Variants in GPM6A observed in about 807,000 individuals in gnomAD.
GPM6A encodes neuronal membrane glycoprotein M6-a.
In GPM6A, 7 loss-of-function variants were observed where a neutral mutation model predicts 32.1. The ratio of observed to expected loss-of-function variants is 0.22; its 90% confidence interval spans 0.12 to 0.41. The LOEUF (loss-of-function observed/expected upper bound fraction) is 0.41. GPM6A is among the 10% of genes least tolerant of loss of function. The pLI, the probability that GPM6A is intolerant of heterozygous loss-of-function variation, is 1.00. For synonymous variants in GPM6A, 130 were observed against 123.4 expected (o/e 1.05, Z -0.35); for missense variants, 235 against 347.2 (o/e 0.68, Z 2.57).
chr4:175,650,278 ATTTATTTAT>A (rs1004384504), intron 4 of GPM6A, among the ~76,000 whole-genome samples: 21 of 8,162 alleles, frequency 2.6e-3, no homozygotes, highest in Non-Finnish European at 0.015. Flanking sequence ...TATTTTATTT[ATTTATTTAT>A]TTATTTATTT....
intron 1 of GPM6A, among the ~76,000 whole-genome samples, chr4:175,707,971 T>C (rs1199967505): frequency 6.6e-6 from 1 of 152,262 alleles, no homozygotes; most frequent in Non-Finnish European, 1.5e-5. Context: ...ATGGTGTCAC[T>C]GGGTTTTTAA....
intron 1 of GPM6A, among the ~76,000 whole-genome samples, chr4:175,908,940 A>G (rs1025293602): frequency 1.4e-5 from 2 of 147,996 alleles, no homozygotes; most frequent in Non-Finnish European, 3.0e-5. Flanking sequence ...CCGTAAAAGC[A>G]CACAATGATT....
intron 1 of GPM6A, among the ~76,000 whole-genome samples, chr4:175,898,571 T>C (rs1737862865): frequency 6.6e-6 from 1 of 152,168 alleles, no homozygotes; most frequent in Non-Finnish European, 1.5e-5. Flanking sequence ...ATTGTAATGC[T>C]TGCACTGTGA....
chr4:175,867,169 T>C (rs1736765587), intron 1 of GPM6A, among the ~76,000 whole-genome samples: 1 of 152,202 alleles, frequency 6.6e-6, no homozygotes, highest in South Asian at 2.1e-4. Flanking sequence ...ATTGGATATA[T>C]CATTTGCAAA....
At chr4:175,865,511 A>G (rs1736706611) in intron 1 of GPM6A, among the ~76,000 whole-genome samples, 1 of 152,232 alleles carries the variant, frequency 6.6e-6, no homozygotes, top group African/African-American at 2.4e-5. Flanking sequence ...CTATAGATCA[A>G]TTTGAAGAGA....
intron 1 of GPM6A, among the ~76,000 whole-genome samples, chr4:175,867,720 A>T (rs1461970000): frequency 6.6e-6 from 1 of 152,140 alleles, no homozygotes; most frequent in East Asian, 1.9e-4. Flanking sequence ...GTCAGGGGTC[A>T]GTCCTGCAGT....
At chr4:175,751,284 A>G (rs1363516263) in intron 1 of GPM6A, among the ~76,000 whole-genome samples, 1 of 152,182 alleles carries the variant, frequency 6.6e-6, no homozygotes, top group Non-Finnish European at 1.5e-5. Flanking sequence ...ATTGCATAAA[A>G]TAATTACATT....
chr4:175,638,105 CCTAACTT>C (rs1740920930), intron 6 of GPM6A, among the ~76,000 whole-genome samples: 1 of 149,796 alleles, frequency 6.7e-6, no homozygotes, highest in Admixed American at 6.8e-5. Flanking sequence ...TGTAGGACTT[CCTAACTT>C]CTCTACAAAT....
At chr4:175,905,443 A>G (rs906507251) in intron 1 of GPM6A, among the ~76,000 whole-genome samples, 4 of 152,176 alleles carry the variant, frequency 2.6e-5, no homozygotes, top group Admixed American at 2.0e-4. Context: ...GTGGCCCAAG[A>G]CAATTCTTCT....
At chr4:175,643,515 G>C (rs377308302) in intron 4 of GPM6A, among the ~76,000 whole-genome samples, 64 of 152,098 alleles carry the variant, frequency 4.2e-4, no homozygotes, top group African/African-American at 1.4e-3. Context: ...TATTCCCAGA[G>C]CTGAGCTACT....
At chr4:175,744,215 A>C (rs1161037963) in intron 1 of GPM6A, among the ~76,000 whole-genome samples, 1 of 152,072 alleles carries the variant, frequency 6.6e-6, no homozygotes, top group African/African-American at 2.4e-5. Context: ...AGGAGGGGGA[A>C]TATCCAAATA....
chr4:175,733,750 A>G (rs1434680452), intron 1 of GPM6A, among the ~76,000 whole-genome samples: 1 of 152,222 alleles, frequency 6.6e-6, no homozygotes, highest in Non-Finnish European at 1.5e-5. Flanking sequence ...AGATAGAGGA[A>G]AACAATCCTG....
At chr4:175,814,347 C>A (rs758958234), upstream of GPM6A, among the ~76,000 whole-genome samples, 16 of 152,246 alleles carry the variant, frequency 1.1e-4, no homozygotes, top group Non-Finnish European at 2.1e-4. Flanking sequence ...GCTAATAAAT[C>A]ACCAAGTAAG....
At chr4:175,727,990 C>T (rs1021662859) in intron 1 of GPM6A, among the ~76,000 whole-genome samples, 49 of 126,604 alleles carry the variant, frequency 3.9e-4, no homozygotes, top group African/African-American at 7.4e-4. Context: ...GGTGACAGAG[C>T]GAGACTCCGT....
intron 6 of GPM6A, among the ~76,000 whole-genome samples, chr4:175,637,358 A>T (rs35922908): frequency 0.28 from 18,133 of 65,680 alleles, 3,667 homozygotes; most frequent in East Asian, 0.38. Flanking sequence ...AAAATATATA[A>T]TATATAACAT....
At chr4:175,933,085 G>C (rs1485905916) in intron 1 of GPM6A, among the ~76,000 whole-genome samples, 2 of 151,568 alleles carry the variant, frequency 1.3e-5, no homozygotes, top group African/African-American at 4.8e-5. Context: ...ATAAATAAGA[G>C]TGAAAGATTG....
intron 4 of GPM6A, among the ~76,000 whole-genome samples, chr4:175,643,878 G>A (rs915982467): frequency 1.3e-5 from 2 of 152,134 alleles, no homozygotes; most frequent in African/African-American, 4.8e-5. Context: ...AAATGAGCAT[G>A]TGTGCAACTC....
intron 1 of GPM6A, among the ~76,000 whole-genome samples, chr4:175,823,390 C>T (rs542879379): frequency 6.6e-6 from 1 of 152,252 alleles, no homozygotes; most frequent in African/African-American, 2.4e-5. Context: ...TAAGATACGT[C>T]AGTTAAGCCT....
intron 1 of GPM6A, among the ~76,000 whole-genome samples, chr4:175,706,448 A>T (rs1745195619): frequency 6.6e-6 from 1 of 152,240 alleles, no homozygotes; most frequent in Non-Finnish European, 1.5e-5. Context: ...AGAGGCCAAC[A>T]AAATTGTGGA....
Sources: gnomAD v4.1 joint callset for allele counts (sites outside exome capture counted in the v4.1 genomes callset) on GRCh38, gnomAD v4.1.1 for gene constraint, MANE v1.5 for transcripts, NCBI Gene and HGNC (gene_info 2026-07-23, HGNC 2026-07-21) for gene names.